EHBP1L1: variants seen among roughly 807,000 people sequenced by gnomAD.
The protein encoded by EHBP1L1 is EH domain-binding protein 1-like protein 1.
Under a neutral mutation model 151.1 loss-of-function variants are expected in EHBP1L1, and 122 were observed. The ratio of observed to expected loss-of-function variants is 0.81; its 90% CI spans 0.70 to 0.94. The LOEUF (loss-of-function observed/expected upper bound fraction) is 0.94. Among genes scored for constraint, EHBP1L1 ranks in the 40% least tolerant of loss-of-function variants. The pLI, the probability that EHBP1L1 is intolerant of heterozygous loss-of-function variation, is 0.00. For synonymous variants in EHBP1L1, 878 were observed against 810.1 expected, an observed-to-expected ratio of 1.08 and a Z score of -1.42; for missense variants, 1,941 against 1,959.8, an observed-to-expected ratio of 0.99 and a Z score of 0.18.
rs760945681 is a variant in EHBP1L1, at chr11:65,584,476, C to T, written c.3252-10C>T. 3.1e-6 allele frequency: 5 copies of T among 1,613,462 alleles called. No homozygotes were observed. The South Asian group carries it at 3.3e-5, about 11-fold the overall frequency. On this transcript the variant is annotated splice_polypyrimidine_tract_variant and intron_variant, in intron 10 of 18. Transcript: ENST00000309295. ...GTGGACCCAGCCTCTGACCAGCACA[C>T]TCTCTGCAGTGACTATGCCTCGCTA...
At chr11:65,590,446 G>A (rs768687188) in intron 15 of EHBP1L1, 47 bp from the exon 16 acceptor site, 1 of 1,600,414 alleles carries the variant, frequency 6.2e-7, no homozygotes, top group Non-Finnish European at 8.5e-7. Flanking sequence ...GCCCTACCCT[G>A]ACACGGGGCA....
chr11:65,584,779 G>A (rs1468048163), intron 11 of EHBP1L1, 180 bp from the exon 12 acceptor site: 2 of 1,003,608 alleles, frequency 2.0e-6, no homozygotes, highest in Non-Finnish European at 2.9e-6. Flanking sequence ...ACGGTGTGCC[G>A]TTGCTAAGCA....
At chr11:65,587,917 C>T (rs933070503) in intron 12 of EHBP1L1, among the ~76,000 whole-genome samples, 2 of 152,178 alleles carry the variant, frequency 1.3e-5, no homozygotes, top group Admixed American at 6.5e-5. Flanking sequence ...AGTCAGTGCA[C>T]ATAAAGTGCT....
chr11:65,586,708 G>A (rs1323518082), intron 12 of EHBP1L1, among the ~76,000 whole-genome samples: 3 of 152,250 alleles, frequency 2.0e-5, no homozygotes, highest in Non-Finnish European at 2.9e-5. Context: ...CATTGAGCCT[G>A]TGAGTGAGAG....
In EHBP1L1 at chr11:65,592,087, G is replaced by A. The variant is rs780613875; in HGVS notation, c.4469G>A (p.Arg1490Gln). 1 of 1,613,170 alleles carries A rather than the reference G, an allele frequency of 6.2e-7. No homozygotes were observed. Among genetic ancestry groups the A allele is most frequent in the East Asian group, 2.2e-5 (1 of 44,862 alleles). The change falls in exon 18 of 19, where the codon CGG becomes CAG. Residue 1490 changes from arginine (R) to glutamine (Q), a missense_variant. Coordinates refer to ENST00000309295, the MANE Select transcript of EHBP1L1 (RefSeq NM_001099409.3). ...GTCCGGGACCTGGACCACAAGGAGC[G>A]GATGTGAGTGGCGCTGGGCGGCGCT... ...ELVRDLDHKE[R>Q]IALEEDERLE...
rs756384076 is a variant in EHBP1L1, at chr11:65,581,197, C to A, written c.704-14C>A. 1 of 1,609,192 alleles carries A rather than the reference C, an allele frequency of 6.2e-7. No individual in the cohort carries two copies. Among genetic ancestry groups the A allele is most frequent in the South Asian group, 1.1e-5 (1 of 90,810 alleles). ...ACTGGGCCCAGGCCACAGTGTCCCC[C>A]TCTTTCTTCTCAGTTGCCAGCCCTT... On this transcript the variant is annotated splice_polypyrimidine_tract_variant and intron_variant, in intron 7 of 18. Transcript: ENST00000309295.
At chr11:65,588,321 G>A (rs1006001030) in intron 12 of EHBP1L1, among the ~76,000 whole-genome samples, 1 of 152,220 alleles carries the variant, frequency 6.6e-6, no homozygotes, top group South Asian at 2.1e-4. Flanking sequence ...CCAGGGGGCG[G>A]TGTCTAGGCG....
At chr11:65,591,513 C>T in intron 16 of EHBP1L1, 1 of 545,696 alleles carries the variant, frequency 1.8e-6, no homozygotes, top group Non-Finnish European at 3.3e-6. Flanking sequence ...ATAACTGTAG[C>T]CAGTGCTTCC....
intron 15 of EHBP1L1, 22 bp downstream of exon 15, chr11:65,590,232 C>T: frequency 6.2e-7 from 1 of 1,610,664 alleles, no homozygotes. Context: ...ATCTAGGGAT[C>T]CCTTCCCCAA....
At position 65,592,466 on chromosome 11, in the gene EHBP1L1, G is replaced by C; in HGVS notation, c.*164G>C. 5.9e-6 allele frequency: 2 copies of C among 336,364 alleles called. No individual in the cohort carries two copies. Among genetic ancestry groups the C allele is most frequent in the Non-Finnish European group, 9.0e-6 (2 of 223,452 alleles). The allele number at this position is 336,364 out of a possible 1,614,324, so 20.8% of individuals were successfully genotyped here. On this transcript the variant is annotated 3_prime_UTR_variant, in exon 19 of 19. Transcript: ENST00000309295. ...GGGCAGGGCGGATCCCCGACCCCAC[G>C]GGCGGGGCGGCCGCCGTATTTATTT...
chr11:65,576,231 C>G lies in EHBP1L1; in HGVS notation c.-72C>G. 1 of 1,405,286 alleles carries G rather than the reference C, an allele frequency of 7.1e-7. No individual in the cohort carries two copies. The highest frequency in any genetic ancestry group is 2.5e-5 in the Admixed American group (1 of 39,376). 87.1% of individuals were successfully genotyped at this position (1,405,286 alleles called of 1,614,324 possible). A position where few individuals can be genotyped will look rare whatever the true frequency, so the allele number is the denominator to read the frequency against. On this transcript the variant is annotated 5_prime_UTR_variant, in exon 1 of 19. Transcript: ENST00000309295. ...GCGGCGCGGACAGGCCATGGGGACCCGGGCCGGGCCAGCGGTGGCGGGCCA... is the reference window on the plus strand; with the variant it reads ...GCGGCGCGGACAGGCCATGGGGACCGGGGCCGGGCCAGCGGTGGCGGGCCA...
In EHBP1L1 at chr11:65,576,227, G is replaced by T; in HGVS notation, c.-76G>T. ...GCGGGCGGCGCGGACAGGCCATGGGGACCCGGGCCGGGCCAGCGGTGGCGG... is the reference window on the plus strand; with the variant it reads ...GCGGGCGGCGCGGACAGGCCATGGGTACCCGGGCCGGGCCAGCGGTGGCGG... On this transcript the variant is annotated 5_prime_UTR_variant, in exon 1 of 19. Transcript: ENST00000309295. The T allele has an allele frequency of 7.3e-7, 1 of 1,377,870 alleles. No individual in the cohort carries two copies. The highest frequency in any genetic ancestry group is 9.6e-7 in the Non-Finnish European group (1 of 1,042,578). 85.4% of individuals were successfully genotyped at this position (1,377,870 alleles called of 1,614,324 possible).
intron 18 of EHBP1L1, 49 bp downstream of exon 18, chr11:65,592,139 T>C (rs773388005): frequency 2.5e-6 from 4 of 1,610,148 alleles, no homozygotes; most frequent in Non-Finnish European, 2.5e-6. Flanking sequence ...CGGGACTTGC[T>C]CCCGCAGAGG....
At chr11:65,581,175 G>A (rs1274291344) in intron 7 of EHBP1L1, 36 bp from the exon 8 acceptor site, 2 of 1,611,480 alleles carry the variant, frequency 1.2e-6, no homozygotes, top group Non-Finnish European at 1.7e-6. Context: ...CCAGGTCACT[G>A]GGCCCAGGCC....
Position 65,585,698 on chromosome 11 carries a change from G to T in EHBP1L1, c.3933+107G>T. Reference sequence around the variant, plus strand: ...GGGGCCCCAAGGACAGAGCTGGCGCGAGGGTGACGGTTTCAGAGTGGCGGG... The same window carrying T: ...GGGGCCCCAAGGACAGAGCTGGCGCTAGGGTGACGGTTTCAGAGTGGCGGG... On this transcript the variant is annotated intron_variant, in intron 12 of 18. Transcript: ENST00000309295. This position sits in a 1 kb window ranked among gnomAD's most constrained non-coding sequence, Gnocchi z 4.0. 1 of 1,475,760 alleles carries T rather than the reference G, an allele frequency of 6.8e-7. No individual in the cohort carries two copies. Among genetic ancestry groups the T allele is most frequent in the South Asian group, 1.2e-5 (1 of 80,090 alleles). The allele number at this position is 1,475,760 out of a possible 1,614,324, so 91.4% of individuals were successfully genotyped here.
Position 65,590,415 on chromosome 11 carries a change from C to A in EHBP1L1, c.4184-78C>A, listed in dbSNP as rs1309292663. ...TCTGGGATGTCACAAGGGAGCAAACCCCCTCCCCCAACCCCCAGCTGCCCT... is the reference window on the plus strand; with the variant it reads ...TCTGGGATGTCACAAGGGAGCAAACACCCTCCCCCAACCCCCAGCTGCCCT... On this transcript the variant is annotated intron_variant, in intron 15 of 18. Transcript: ENST00000309295. 1.9e-6 allele frequency: 3 copies of A among 1,546,766 alleles called. No homozygotes were observed. In the Admixed American group the frequency reaches 5.5e-5, roughly 28 times the overall value.
intron 16 of EHBP1L1, 83 bp downstream of exon 16, chr11:65,590,675 A>C (rs1296331783): frequency 1.7e-6 from 2 of 1,208,332 alleles, no homozygotes; most frequent in Non-Finnish European, 1.2e-6. Context: ...TTATTCCTAC[A>C]GAGATCTTTT....
chr11:65,588,179 C>T (rs61893788), intron 12 of EHBP1L1, among the ~76,000 whole-genome samples: 23,825 of 151,418 alleles, frequency 0.16, 2,501 homozygotes, highest in Admixed American at 0.31. Context: ...GTGGGGGCCC[C>T]GGCAGGGGGG....
Position 65,581,271 on chromosome 11 carries a change from C to T in EHBP1L1, c.764C>T (p.Pro255Leu). 1.2e-6 allele frequency: 2 copies of T among 1,612,058 alleles called. No homozygotes were observed. Among genetic ancestry groups the T allele is most frequent in the Non-Finnish European group, 1.7e-6 (2 of 1,179,552 alleles). The change falls in exon 8 of 19, where the codon CCA becomes CTA. Residue 255 changes from proline to leucine, a missense_variant. Physicochemically the swap from Pro to Leu is moderately conservative, Grantham distance 98. Coordinates refer to ENST00000309295, the MANE Select transcript of EHBP1L1 (RefSeq NM_001099409.3). Reference sequence around the variant, plus strand: ...GCCCCTGTGAGTGCTCCTGCACCCCCAGCCAGAACCTCCCGAGGCCAGGGG... The same window carrying T: ...GCCCCTGTGAGTGCTCCTGCACCCCTAGCCAGAACCTCCCGAGGCCAGGGG... The part of the protein sequence containing the change: ...SPAPVSAPAP[P>L]ARTSRGQGSE...
Sources: allele counts gnomAD v4.1 joint callset (sites outside exome capture counted in the v4.1 genomes callset), GRCh38; gene constraint gnomAD v4.1.1; non-coding constraint Gnocchi (gnomAD v3.1); transcripts MANE v1.5; gene names NCBI Gene and HGNC (gene_info 2026-07-23, HGNC 2026-07-21).